The following L3MBTL4 variants were observed in gnomAD, a reference collection of about 807,000 sequenced individuals.
L3MBTL4 encodes lethal(3)malignant brain tumor-like protein 4.
Under a neutral mutation model 84.5 loss-of-function variants are expected in L3MBTL4, and 70 were observed. That is an observed-to-expected ratio of 0.83 (90% confidence interval 0.68 to 1.01). The LOEUF (loss-of-function observed/expected upper bound fraction) is 1.01, where lower values mean the gene tolerates loss of function less well. Among genes scored for constraint, L3MBTL4 ranks in the 50% least tolerant of loss-of-function variants. L3MBTL4 has a pLI of 0.00. For synonymous variants in L3MBTL4, 274 were observed against 259.8 expected (o/e 1.05, Z -0.52); for missense variants, 715 against 754.8 (o/e 0.95, Z 0.62).
chr18:6,341,026 G>A (rs1421609594), intron 1 of L3MBTL4, among the ~76,000 whole-genome samples: 1 of 152,080 alleles, frequency 6.6e-6, no homozygotes, highest in Non-Finnish European at 1.5e-5. Flanking sequence ...AGGAACAAGA[G>A]CAGTAGAGTA....
intron 10 of L3MBTL4, among the ~76,000 whole-genome samples, chr18:6,229,968 G>C (rs917782863): frequency 6.6e-6 from 1 of 152,114 alleles, no homozygotes; most frequent in African/African-American, 2.4e-5. Flanking sequence ...TCCCTTGAGA[G>C]TCAATATAAA....
chr18:5,974,628 C>T (rs1598331439), intron 16 of L3MBTL4, among the ~76,000 whole-genome samples: 2 of 152,164 alleles, frequency 1.3e-5, no homozygotes, highest in South Asian at 2.1e-4. Flanking sequence ...AGACTTGCGA[C>T]ACGAGGCAGA....
intron 16 of L3MBTL4, among the ~76,000 whole-genome samples, chr18:6,000,820 A>G (rs749781968): frequency 5.0e-4 from 76 of 152,314 alleles, no homozygotes; most frequent in African/African-American, 1.8e-3. Flanking sequence ...TTGTCTCAAA[A>G]CTTTCAAAAA....
At chr18:6,411,849 T>A (rs1024884839) in intron 1 of L3MBTL4, among the ~76,000 whole-genome samples, 14 of 152,204 alleles carry the variant, frequency 9.2e-5, no homozygotes, top group Admixed American at 9.2e-4. Context: ...TTTCTGTTGT[T>A]TAAGGATGAG....
chr18:6,042,161 C>T (rs759074657), intron 16 of L3MBTL4, among the ~76,000 whole-genome samples: 61 of 152,116 alleles, frequency 4.0e-4, no homozygotes, highest in Admixed American at 2.2e-3. Flanking sequence ...AAGTGAGATA[C>T]CTCACTAATT....
chr18:6,356,074 A>T (rs1307985497), intron 1 of L3MBTL4, among the ~76,000 whole-genome samples: 1 of 152,226 alleles, frequency 6.6e-6, no homozygotes, highest in Admixed American at 6.5e-5. Flanking sequence ...TGATGCCGTC[A>T]GCTCTCTTTC....
chr18:6,316,118 C>A, intron 1 of L3MBTL4, among the ~76,000 whole-genome samples: 1 of 141,918 alleles, frequency 7.0e-6, no homozygotes, highest in Admixed American at 7.0e-5. Flanking sequence ...GAAACAGTTA[C>A]GTCACTCTCA....
chr18:6,383,197 G>C (rs937609737), intron 1 of L3MBTL4, among the ~76,000 whole-genome samples: 1 of 152,100 alleles, frequency 6.6e-6, no homozygotes, highest in South Asian at 2.1e-4. Flanking sequence ...ACCTCAGACT[G>C]CTGTGCTGAC....
In L3MBTL4 at chr18:5,958,160, CAAGAAGAAGAA is replaced by C. The variant is rs1567912267; in HGVS notation, c.1678-1784_1678-1774del. Among the ~76,000 whole-genome samples, 553 of 55,576 alleles carry C rather than the reference CAAGAAGAAGAA, an allele frequency of 1.0e-2. 16 individuals carry two copies. The highest frequency in any genetic ancestry group is 0.03 in the African/African-American group (527 of 17,518). The allele number at this position is 55,576 out of a possible 152,430, so 36.5% of individuals were successfully genotyped here. On this transcript the variant is annotated intron_variant, in intron 18 of 18. Transcript: ENST00000317931. Reference sequence around the variant, plus strand: ...AGAAGAAGAAGAAGAAGAAGAAGAACAAGAAGAAGAAGAAGACGACGAAGAAGAAGAGGAAG... The same window carrying C: ...AGAAGAAGAAGAAGAAGAAGAAGAACGAAGACGACGAAGAAGAAGAGGAAG...
intron 16 of L3MBTL4, among the ~76,000 whole-genome samples, chr18:6,011,778 T>G (rs1456301914): frequency 3.9e-5 from 6 of 152,232 alleles, no homozygotes. Flanking sequence ...CCATTAGACA[T>G]GGAGGACAGA....
intron 12 of L3MBTL4, among the ~76,000 whole-genome samples, chr18:6,195,964 C>A (rs574192848): frequency 6.6e-6 from 1 of 152,182 alleles, no homozygotes; most frequent in South Asian, 2.1e-4. Context: ...GCTCCCTTCG[C>A]CCTAGCCCTC....
At chr18:6,186,778 G>A (rs570502742) in intron 12 of L3MBTL4, among the ~76,000 whole-genome samples, 2 of 152,354 alleles carry the variant, frequency 1.3e-5, no homozygotes, top group South Asian at 4.1e-4. Flanking sequence ...CACTGAGGGT[G>A]TTTGCCCAGT....
At chr18:6,001,983 A>G (rs946600545) in intron 16 of L3MBTL4, among the ~76,000 whole-genome samples, 2 of 152,168 alleles carry the variant, frequency 1.3e-5, no homozygotes, top group African/African-American at 4.8e-5. Context: ...AAGACCCACA[A>G]TGAGACATAC....
At chr18:6,093,682 T>C (rs949280108) in intron 14 of L3MBTL4, among the ~76,000 whole-genome samples, 154 bp from the exon 15 acceptor site, 2 of 152,234 alleles carry the variant, frequency 1.3e-5, no homozygotes, top group Non-Finnish European at 2.9e-5. Flanking sequence ...TCTTTTCATA[T>C]TGCCTTTTGA....
At chr18:6,134,220 G>GC (rs1210268944) in intron 14 of L3MBTL4, among the ~76,000 whole-genome samples, 7 of 152,074 alleles carry the variant, frequency 4.6e-5, no homozygotes, top group Non-Finnish European at 5.9e-5. Context: ...GGAAAGACCT[G>GC]CCCCCATGAT....
At chr18:6,391,589 G>T (rs1287127176) in intron 1 of L3MBTL4, among the ~76,000 whole-genome samples, 1 of 152,012 alleles carries the variant, frequency 6.6e-6, no homozygotes, top group African/African-American at 2.4e-5. Flanking sequence ...AAACCCTAAA[G>T]ATTCCTCCAA....
chr18:6,168,697 C>T (rs1185670817), intron 13 of L3MBTL4, among the ~76,000 whole-genome samples: 3 of 151,846 alleles, frequency 2.0e-5, no homozygotes, highest in Non-Finnish European at 4.4e-5. Context: ...TAAAGACTTA[C>T]ATGTTAGACC....
At chr18:6,404,713 G>T (rs991943265) in intron 1 of L3MBTL4, among the ~76,000 whole-genome samples, 7 of 151,264 alleles carry the variant, frequency 4.6e-5, no homozygotes, top group Non-Finnish European at 2.9e-5. Flanking sequence ...TTGAGATAGG[G>T]TCTCATTCTG....
chr18:6,030,188 AAG>A, intron 16 of L3MBTL4: 1 of 831,200 alleles, frequency 1.2e-6, no homozygotes. Context: ...AAAGACACAC[AAG>A]AGAAGTATAC....
Sources: allele counts gnomAD v4.1 joint callset (sites outside exome capture counted in the v4.1 genomes callset), GRCh38; gene constraint gnomAD v4.1.1; transcripts MANE v1.5; gene names NCBI Gene and HGNC (gene_info 2026-07-23, HGNC 2026-07-21).